Variants in C5orf15 observed in about 807,000 individuals in gnomAD.
The protein encoded by C5orf15 is keratinocyte-associated transmembrane protein 2.
A neutral mutation model predicts 17.8 loss-of-function variants in C5orf15; 10 were observed. The ratio of observed to expected loss-of-function variants is 0.56; its 90% CI spans 0.35 to 0.95. The LOEUF is 0.95. Ranked by LOEUF, C5orf15 falls within the 40% of genes least tolerant of loss-of-function variation. C5orf15 has a pLI of 0.02. For synonymous variants in C5orf15, 124 were observed against 131.0 expected, an observed-to-expected ratio of 0.95 and a Z score of 0.36; for missense variants, 319 against 331.7, an observed-to-expected ratio of 0.96 and a Z score of 0.30.
chr5:133,958,576 CAAAAAAAAAA>C (rs71581378), intron 2 of C5orf15, among the ~76,000 whole-genome samples: 11 of 31,980 alleles, frequency 3.4e-4, no homozygotes, highest in Non-Finnish European at 4.2e-4. Flanking sequence ...AGCTCTGTCT[CAAAAAAAAAA>C]AAAAAAAAAA....
At position 133,956,880 on chromosome 5, in the gene C5orf15, A is replaced by G; in HGVS notation, c.777T>C (p.Ile259=). The G allele has an allele frequency of 6.3e-7, 1 of 1,594,338 alleles. No individual in the cohort carries two copies. The highest frequency in any genetic ancestry group is 8.5e-7 in the Non-Finnish European group (1 of 1,173,276). Residue 259 remains isoleucine (I), a synonymous_variant, in exon 3 of 3, where the codon ATT becomes ATC. Coordinates refer to ENST00000231512, the MANE Select transcript of C5orf15 (RefSeq NM_020199.3). ...TGCTTTAAAAAATATAATCATTGGT[A>G]ATCTTCAAAGAAGGCATTGCCTCAT... ...NVNEAMPSLK[I]TNDYIF
At chr5:133,960,330 T>C (rs1002466036) in intron 1 of C5orf15, among the ~76,000 whole-genome samples, 4 of 152,204 alleles carry the variant, frequency 2.6e-5, no homozygotes, top group African/African-American at 7.2e-5. Flanking sequence ...AAAGTTCACA[T>C]ACAGCCCTCA....
chr5:133,961,620 C>G (rs901274043), intron 1 of C5orf15, among the ~76,000 whole-genome samples: 1 of 147,536 alleles, frequency 6.8e-6, no homozygotes, highest in Non-Finnish European at 1.5e-5. Context: ...GGGTCTCACT[C>G]TGTTGCCCAG....
chr5:133,961,451 C>A (rs953111094), intron 1 of C5orf15, among the ~76,000 whole-genome samples: 3 of 147,270 alleles, frequency 2.0e-5, no homozygotes, highest in African/African-American at 7.5e-5. Context: ...GAGGCTGAGG[C>A]AGGACAATGG....
chr5:133,962,954 T>C (rs909864289), intron 1 of C5orf15, among the ~76,000 whole-genome samples: 4 of 152,162 alleles, frequency 2.6e-5, no homozygotes, highest in African/African-American at 9.7e-5. Context: ...TTCCCCCTTG[T>C]CCACTTTGAC....
intron 2 of C5orf15, 88 bp downstream of exon 2, chr5:133,959,403 GCAA>G: frequency 2.2e-6 from 1 of 446,016 alleles, no homozygotes. Flanking sequence ...ACTTTTTTTT[GCAA>G]AAAAAAAAAA....
At position 133,959,830 on chromosome 5, in the gene C5orf15, A is replaced by G. The variant is rs1278722428; in HGVS notation, c.330T>C (p.Pro110=). The change falls in exon 2 of 3, where the codon CCT becomes CCC. Residue 110 remains proline, a synonymous_variant. Coordinates refer to ENST00000231512, the MANE Select transcript of C5orf15 (RefSeq NM_020199.3). ...ASVVPHPSPT[P]LSQEEADNNE... ...TGTTATCAGCTTCCTCTTGAGACAG[A>G]GGAGTAGGCGAGGGATGAGGGACCA... 1.9e-6 allele frequency: 3 copies of G among 1,614,078 alleles called. No homozygotes were observed. The East Asian group carries it at 6.7e-5, about 36-fold the overall frequency.
rs1752047308 is a variant in C5orf15, at chr5:133,956,748, G to A, written c.*111C>T. ...TAATTTCCAAAGCACCAAGGCAAAA[G>A]AGAGACTCACCTCTCATTTAAGTAC... On this transcript the variant is annotated 3_prime_UTR_variant, in exon 3 of 3. Transcript: ENST00000231512. The A allele has an allele frequency of 9.1e-7, 1 of 1,103,630 alleles. No individual in the cohort carries two copies. Among genetic ancestry groups the A allele is most frequent in the East Asian group, 2.9e-5 (1 of 34,534 alleles). 68.4% of individuals were successfully genotyped at this position (1,103,630 alleles called of 1,614,324 possible).
At position 133,959,776 on chromosome 5, in the gene C5orf15, ATCC is replaced by A. The variant is rs1395624814; in HGVS notation, c.381_383del (p.Glu127del). The A allele has an allele frequency of 6.2e-7, 1 of 1,614,096 alleles. No individual in the cohort carries two copies. The highest frequency in any genetic ancestry group is 2.2e-5 in the East Asian group (1 of 44,882). ...ATGGAGAACTGTTCAGCATGAGAAG[ATCC>A]TCCTCCTCTATACTAGGATCTTCAT... is the stretch of plus-strand genomic sequence containing the variant. On this transcript the variant is annotated inframe_deletion, in exon 2 of 3. Transcript: ENST00000231512.
chr5:133,956,784 T>C lies in C5orf15; in HGVS notation c.*75A>G. The C allele has an allele frequency of 1.4e-6, 2 of 1,465,534 alleles. No individual in the cohort carries two copies. Among genetic ancestry groups the C allele is most frequent in the Non-Finnish European group, 1.8e-6 (2 of 1,100,384 alleles). The allele number at this position is 1,465,534 out of a possible 1,614,324, so 90.8% of individuals were successfully genotyped here. A position where few individuals can be genotyped will look rare whatever the true frequency, so the allele number is the denominator to read the frequency against. ...CTCTCATTTAAGTACCAATTGCCTA[T>C]GGCAAACATTTGCACAATATCATAT... On this transcript the variant is annotated 3_prime_UTR_variant, in exon 3 of 3. Coordinates refer to ENST00000231512, the MANE Select transcript of C5orf15 (RefSeq NM_020199.3).
At chr5:133,967,589 C>T (rs1312608421) in intron 1 of C5orf15, 1 of 152,194 alleles carries the variant, frequency 6.6e-6, no homozygotes, top group African/African-American at 2.4e-5. Context: ...AGCCTTCAAT[C>T]TCTTGATTTC....
At chr5:133,966,436 G>A (rs765027561) in intron 1 of C5orf15, among the ~76,000 whole-genome samples, 11 of 152,084 alleles carry the variant, frequency 7.2e-5, no homozygotes, top group Non-Finnish European at 1.3e-4. Context: ...GGCAAATGTA[G>A]AGAACCAGGC....
At chr5:133,957,141 G>T in intron 2 of C5orf15, 151 bp from the exon 3 acceptor site, 1 of 632,412 alleles carries the variant, frequency 1.6e-6, no homozygotes, top group South Asian at 1.9e-5. Context: ...GAGGCAGGCA[G>T]ATCACTTGAG....
intron 1 of C5orf15, among the ~76,000 whole-genome samples, chr5:133,966,633 C>T (rs1752197312): frequency 6.6e-6 from 1 of 152,178 alleles, no homozygotes; most frequent in Admixed American, 6.5e-5. Flanking sequence ...ATGTGGTAAC[C>T]TTCTACCTTT....
intron 1 of C5orf15, among the ~76,000 whole-genome samples, chr5:133,965,506 A>G (rs1752178932): frequency 1.3e-5 from 2 of 152,260 alleles, no homozygotes; most frequent in African/African-American, 4.8e-5. Flanking sequence ...AAGAGTATTC[A>G]GAACAAAGGT....
At chr5:133,957,575 T>C (rs1188271970) in intron 2 of C5orf15, among the ~76,000 whole-genome samples, 1 of 152,168 alleles carries the variant, frequency 6.6e-6, no homozygotes, top group Non-Finnish European at 1.5e-5. Context: ...GGCCAAACAC[T>C]AAACAGTGGG....
rs1752045757 is a variant in C5orf15, at chr5:133,956,648, A to G, written c.*211T>C. The G allele has an allele frequency of 1.2e-5, 4 of 341,484 alleles. No individual in the cohort carries two copies. The highest frequency in any genetic ancestry group is 7.9e-4 in the Middle Eastern group (1 of 1,264). 21.2% of individuals were successfully genotyped at this position (341,484 alleles called of 1,614,324 possible). The stretch of plus-strand genomic sequence containing the variant: ...CAGTGTAAATATAAGGTAATGTTTA[A>G]CTCACATTTTGGACACCTGATTAAA... On this transcript the variant is annotated 3_prime_UTR_variant, in exon 3 of 3. Transcript: ENST00000231512.
chr5:133,962,942 C>T (rs1283936064), intron 1 of C5orf15, among the ~76,000 whole-genome samples: 2 of 152,126 alleles, frequency 1.3e-5, no homozygotes, highest in Non-Finnish European at 2.9e-5. Flanking sequence ...TCTTCAATTC[C>T]CTTCCCCCTT....
chr5:133,959,195 G>A (rs568866295), intron 2 of C5orf15, among the ~76,000 whole-genome samples: 37 of 151,914 alleles, frequency 2.4e-4, no homozygotes, highest in African/African-American at 8.0e-4. Context: ...GCGACACCTC[G>A]TCTCTACAAA....
Sources: gnomAD v4.1 joint callset for allele counts (sites outside exome capture counted in the v4.1 genomes callset) on GRCh38, gnomAD v4.1.1 for gene constraint, MANE v1.5 for transcripts, NCBI Gene and HGNC (gene_info 2026-07-23, HGNC 2026-07-21) for gene names.